DHRSX: variants seen among roughly 807,000 people sequenced by gnomAD.
The protein encoded by DHRSX is polyprenol dehydrogenase.
DHRSX carries 31 observed loss-of-function variants against 34.0 expected under a neutral mutation model. That is an observed-to-expected ratio of 0.91 (90% CI 0.69 to 1.23). The LOEUF (loss-of-function observed/expected upper bound fraction) is 1.23, where lower values mean the gene tolerates loss of function less well. DHRSX is among the 50% of genes most tolerant of loss of function. The pLI is 0.00. For missense variants in DHRSX, 414 were observed against 428.1 expected (o/e 0.97, Z 0.29); for synonymous variants, 201 against 183.8 (o/e 1.09, Z -0.76).
In DHRSX at chrX:2,243,206, G is replaced by A; in HGVS notation, c.621C>T (p.Ala207=). The A allele has an allele frequency of 1.2e-6, 2 of 1,613,848 alleles. No homozygotes were observed. The highest frequency in any genetic ancestry group is 2.2e-5 in the South Asian group (2 of 91,074). The change falls in exon 6 of 7, where the codon GCC becomes GCT. Residue 207 remains alanine, a synonymous_variant. Coordinates refer to ENST00000334651, the MANE Select transcript of DHRSX (RefSeq NM_145177.3). ...CAAGGGCCAGCTTGCTCTGGGCGTA[G>A]GCTGCGTGGGGTGAGTAGCAGGCAC... ...QSSACYSPHA[A]YAQSKLALVL...
At chrX:2,415,388 T>C (rs2124642257) in intron 2 of DHRSX, among the ~76,000 whole-genome samples, 1 of 152,048 alleles carries the variant, frequency 6.6e-6, no homozygotes, top group African/African-American at 2.4e-5. Context: ...TAACTCATCA[T>C]GATCTAGTAC....
At chrX:2,387,684 GAC>G (rs200128031) in intron 3 of DHRSX, among the ~76,000 whole-genome samples, 1,834 of 152,000 alleles carry the variant, frequency 0.012, 35 homozygotes, top group African/African-American at 0.042. Flanking sequence ...CACCCTCACA[GAC>G]ACACCCAGGA....
chrX:2,447,183 G>A (rs1372187569), intron 1 of DHRSX, among the ~76,000 whole-genome samples: 8 of 147,864 alleles, frequency 5.4e-5, no homozygotes, highest in African/African-American at 7.5e-5. Context: ...AGGGACCACC[G>A]CCCTGTACAC....
chrX:2,475,551 G>C (rs1432445508), intron 1 of DHRSX, among the ~76,000 whole-genome samples: 2 of 151,958 alleles, frequency 1.3e-5, no homozygotes, highest in African/African-American at 2.4e-5. Context: ...ATGTGGCTAA[G>C]GGACCGCCGC....
intron 3 of DHRSX, among the ~76,000 whole-genome samples, chrX:2,349,611 T>C (rs2042762331): frequency 6.6e-6 from 1 of 151,804 alleles, no homozygotes; most frequent in African/African-American, 2.4e-5. Context: ...CACTTGAACT[T>C]GGGAGGCGGA....
At chrX:2,425,644 T>A (rs1316447492) in intron 1 of DHRSX, among the ~76,000 whole-genome samples, 1 of 152,196 alleles carries the variant, frequency 6.6e-6, no homozygotes, top group Non-Finnish European at 1.5e-5. Context: ...GAATAACCTC[T>A]GCTCTCAGGG....
At chrX:2,466,214 A>G (rs1048929001) in intron 1 of DHRSX, among the ~76,000 whole-genome samples, 2 of 151,476 alleles carry the variant, frequency 1.3e-5, no homozygotes, top group Non-Finnish European at 2.9e-5. Context: ...CGAGGCAGGC[A>G]GATTACCTGA....
chrX:2,237,350 G>A (rs749478531), intron 6 of DHRSX, among the ~76,000 whole-genome samples: 7 of 152,142 alleles, frequency 4.6e-5, no homozygotes, highest in African/African-American at 1.4e-4. Context: ...GCAATGATAC[G>A]AGTGGTCTAC....
At chrX:2,386,499 G>A (rs1299458827) in intron 3 of DHRSX, among the ~76,000 whole-genome samples, 6 of 152,284 alleles carry the variant, frequency 3.9e-5, no homozygotes, top group South Asian at 4.1e-4. Flanking sequence ...GATTACAGGC[G>A]TGAGCCACTG....
At chrX:2,275,129 T>C (rs2041607794) in intron 4 of DHRSX, among the ~76,000 whole-genome samples, 1 of 152,176 alleles carries the variant, frequency 6.6e-6, no homozygotes, top group Non-Finnish European at 1.5e-5. Flanking sequence ...TCATGTTTTT[T>C]TCGGCATCAG....
chrX:2,402,662 C>A (rs2043500421), intron 3 of DHRSX, among the ~76,000 whole-genome samples: 1 of 151,944 alleles, frequency 6.6e-6, no homozygotes, highest in Admixed American at 6.6e-5. Flanking sequence ...AGGGCCACCA[C>A]TGATGAATGT....
At chrX:2,442,199 T>C (rs1211823645) in intron 1 of DHRSX, among the ~76,000 whole-genome samples, 2 of 151,878 alleles carry the variant, frequency 1.3e-5, no homozygotes, top group Non-Finnish European at 2.9e-5. Flanking sequence ...AGAGAAAACA[T>C]ATGTACTACT....
intron 3 of DHRSX, among the ~76,000 whole-genome samples, chrX:2,340,827 GAA>G (rs1001050383): frequency 7.9e-5 from 12 of 152,066 alleles, no homozygotes; most frequent in African/African-American, 2.9e-4. Context: ...CAAAAGGAAG[GAA>G]AAAGAGTGTG....
At chrX:2,273,984 G>A (rs1445735067) in intron 4 of DHRSX, among the ~76,000 whole-genome samples, 2 of 152,162 alleles carry the variant, frequency 1.3e-5, no homozygotes, top group Non-Finnish European at 2.9e-5. Flanking sequence ...CCTGGATGCT[G>A]ATAATTCATC....
chrX:2,320,729 C>T (rs1436435070), intron 3 of DHRSX, among the ~76,000 whole-genome samples: 3 of 151,138 alleles, frequency 2.0e-5, no homozygotes, highest in Non-Finnish European at 4.4e-5. Flanking sequence ...AGTTGAAAGT[C>T]AACAACATGG....
chrX:2,266,361 C>T (rs1468778472), intron 5 of DHRSX, among the ~76,000 whole-genome samples: 7 of 145,874 alleles, frequency 4.8e-5, no homozygotes, highest in Non-Finnish European at 9.0e-5. Flanking sequence ...CACCAGTGCT[C>T]GGCAGATGCA....
intron 5 of DHRSX, among the ~76,000 whole-genome samples, chrX:2,257,560 G>T (rs763358217): frequency 6.6e-6 from 1 of 152,310 alleles, no homozygotes; most frequent in Admixed American, 6.5e-5. Flanking sequence ...CGTCTCCCCA[G>T]ATTCCTATGA....
At chrX:2,304,056 GAT>G (rs1569485812) in intron 3 of DHRSX, among the ~76,000 whole-genome samples, 57 of 107,730 alleles carry the variant, frequency 5.3e-4, no homozygotes, top group African/African-American at 1.5e-3. Flanking sequence ...TGGATGGATG[GAT>G]GGATGGGTGG....
chrX:2,439,936 G>A (rs922487081), intron 1 of DHRSX, among the ~76,000 whole-genome samples: 4 of 152,188 alleles, frequency 2.6e-5, no homozygotes, highest in Non-Finnish European at 5.9e-5. Flanking sequence ...GGTACTGGAT[G>A]CAAGGATACA....
Sources: allele counts gnomAD v4.1 joint callset (sites outside exome capture counted in the v4.1 genomes callset), GRCh38; gene constraint gnomAD v4.1.1; transcripts MANE v1.5; gene names NCBI Gene and HGNC (gene_info 2026-07-23, HGNC 2026-07-21).